Variants in AIG1 observed in about 807,000 individuals in gnomAD.
The protein encoded by AIG1 is androgen induced 1.
Under a neutral mutation model 31.4 loss-of-function variants are expected in AIG1, and 23 were observed. The observed-to-expected ratio is 0.73, with a 90% CI of 0.53 to 1.04. AIG1 has a LOEUF of 1.04. AIG1 is among the 50% of genes least tolerant of loss of function. AIG1 has a pLI of 0.00. For synonymous variants in AIG1, 100 were observed against 110.5 expected, an observed-to-expected ratio of 0.90 and a Z score of 0.60; for missense variants, 274 against 295.0, an observed-to-expected ratio of 0.93 and a Z score of 0.52.
At chr6:143,243,802 T>C (rs765555287) in intron 3 of AIG1, among the ~76,000 whole-genome samples, 1 of 152,048 alleles carries the variant, frequency 6.6e-6, no homozygotes, top group Non-Finnish European at 1.5e-5. Flanking sequence ...GGAAAACATA[T>C]CCCAACATTA....
chr6:143,101,959 G>A (rs1780317623), intron 1 of AIG1, among the ~76,000 whole-genome samples: 2 of 152,102 alleles, frequency 1.3e-5, no homozygotes, highest in Admixed American at 6.5e-5. Flanking sequence ...ATTGGCATCA[G>A]TATTTTTCAA....
intron 3 of AIG1, among the ~76,000 whole-genome samples, chr6:143,275,479 C>T (rs909626012): frequency 6.6e-6 from 1 of 152,146 alleles, no homozygotes; most frequent in African/African-American, 2.4e-5. Flanking sequence ...GCTCAAAGCC[C>T]TCTAGGGTTT....
At chr6:143,294,366 G>A (rs576245418) in intron 4 of AIG1, among the ~76,000 whole-genome samples, 6 of 152,248 alleles carry the variant, frequency 3.9e-5, no homozygotes, top group Non-Finnish European at 5.9e-5. Flanking sequence ...CTCTCACACC[G>A]CAAAGGCTTA....
At chr6:143,300,660 T>C (rs1798760997) in intron 4 of AIG1, among the ~76,000 whole-genome samples, 1 of 152,252 alleles carries the variant, frequency 6.6e-6, no homozygotes, top group Non-Finnish European at 1.5e-5. Context: ...CCATGTATAC[T>C]TCTAAAAATT....
At chr6:143,090,552 A>G (rs1779210391) in intron 1 of AIG1, among the ~76,000 whole-genome samples, 1 of 152,230 alleles carries the variant, frequency 6.6e-6, no homozygotes, top group Non-Finnish European at 1.5e-5. Context: ...ATATTGCAAT[A>G]AAGTGACGCA....
rs1777075672 is a variant in AIG1 at position 143,331,619 on chromosome 6, T to C, written c.516-1663T>C. 1.3e-5 allele frequency among the ~76,000 whole-genome samples: 2 copies of C among 152,084 alleles called. No individual in the cohort carries two copies. Among genetic ancestry groups the C allele is most frequent in the South Asian group, 4.1e-4 (2 of 4,826 alleles). ...TTGTTCACCTACTGATGTGTTTCTA[T>C]ATACATATATGTACATCTGTGTGTG... is the stretch of plus-strand genomic sequence containing the variant. On this transcript the variant is annotated intron_variant, in intron 4 of 5. Transcript: ENST00000357847. This position sits in a 1 kb window ranked among gnomAD's most constrained non-coding sequence, Gnocchi z 4.1.
chr6:143,081,552 A>G (rs1022121880), intron 1 of AIG1, among the ~76,000 whole-genome samples: 1 of 151,338 alleles, frequency 6.6e-6, no homozygotes, highest in Non-Finnish European at 1.5e-5. Flanking sequence ...TGTTCTCCTG[A>G]AGGAGCTTGG....
intron 4 of AIG1, among the ~76,000 whole-genome samples, chr6:143,302,890 T>C (rs896916466): frequency 6.6e-6 from 1 of 152,282 alleles, no homozygotes; most frequent in South Asian, 2.1e-4. Flanking sequence ...GCACCTGTTG[T>C]TTCCTGACTT....
intron 3 of AIG1, among the ~76,000 whole-genome samples, chr6:143,177,752 G>A (rs1788306966): frequency 6.6e-6 from 1 of 152,198 alleles, no homozygotes; most frequent in African/African-American, 2.4e-5. Context: ...AGTGGGCCTG[G>A]GTGGCTTCAT....
intron 1 of AIG1, among the ~76,000 whole-genome samples, chr6:143,131,647 A>G (rs1423179144): frequency 6.6e-6 from 1 of 152,230 alleles, no homozygotes; most frequent in East Asian, 1.9e-4. Flanking sequence ...CCAACAGCCA[A>G]TAAAGAAACA....
At chr6:143,259,021 C>T (rs751208055) in intron 3 of AIG1, among the ~76,000 whole-genome samples, 5 of 152,282 alleles carry the variant, frequency 3.3e-5, no homozygotes, top group Non-Finnish European at 7.4e-5. Context: ...GCAGTGGATC[C>T]TCTTAGCCCA....
intron 3 of AIG1, among the ~76,000 whole-genome samples, chr6:143,192,194 A>G (rs537983344): frequency 6.6e-6 from 1 of 152,380 alleles, no homozygotes; most frequent in Non-Finnish European, 1.5e-5. Context: ...AGCATCTGTC[A>G]GAGAAGCAGC....
intron 2 of AIG1, among the ~76,000 whole-genome samples, chr6:143,161,872 C>T (rs917204201): frequency 2.0e-5 from 3 of 152,028 alleles, no homozygotes; most frequent in African/African-American, 7.2e-5. Flanking sequence ...TGACCACTTT[C>T]CCTAAGATAG....
chr6:143,312,460 AG>A (rs760192386), intron 4 of AIG1, among the ~76,000 whole-genome samples: 1 of 152,170 alleles, frequency 6.6e-6, no homozygotes, highest in Non-Finnish European at 1.5e-5. Context: ...CATTAGGGAA[AG>A]GACAGTCTCT....
intron 3 of AIG1, among the ~76,000 whole-genome samples, chr6:143,248,130 G>A (rs1004261209): frequency 1.3e-5 from 2 of 151,954 alleles, no homozygotes; most frequent in African/African-American, 2.4e-5. Flanking sequence ...TATGAGCCTC[G>A]AAAATAATAT....
At chr6:143,162,079 C>A (rs904228463) in intron 2 of AIG1, among the ~76,000 whole-genome samples, 1 of 152,080 alleles carries the variant, frequency 6.6e-6, no homozygotes. Context: ...ATGAATTTAG[C>A]AAAGGTATAA....
At position 143,165,108 on chromosome 6, in the gene AIG1, T is replaced by G. The variant is rs775112959; in HGVS notation, c.324T>G (p.Ile108Met). 5 of 1,613,422 alleles carry G rather than the reference T, an allele frequency of 3.1e-6. No homozygotes were observed. Among genetic ancestry groups the G allele is most frequent in the Non-Finnish European group, 1.7e-6 (2 of 1,179,522 alleles). The change falls in exon 3 of 6, where the codon ATT becomes ATG. Residue 108 changes from isoleucine to methionine, a missense_variant. By Grantham distance (10) the Ile-to-Met change is conservative. Around this residue, in one of 2 missense-constraint regions of AIG1, gnomAD observed 243 missense variants for 238.5 expected, o/e 1.02. Coordinates refer to ENST00000357847, the MANE Select transcript of AIG1 (RefSeq NM_016108.4). ...GVFVVAVFWI[I>M]YAYDREMIYP... ...TTGTTGTAGCAGTGTTCTGGATCATTTATGCCTATGACAGAGAGATGATAT... is the reference window on the plus strand; with the variant it reads ...TTGTTGTAGCAGTGTTCTGGATCATGTATGCCTATGACAGAGAGATGATAT...
intron 2 of AIG1, among the ~76,000 whole-genome samples, chr6:143,143,960 A>G (rs764883397): frequency 1.3e-5 from 2 of 152,216 alleles, no homozygotes; most frequent in Non-Finnish European, 2.9e-5. Context: ...AGCTTTTCAA[A>G]AGACCAAGGA....
intron 1 of AIG1, among the ~76,000 whole-genome samples, chr6:143,115,252 G>C (rs901646093): frequency 1.3e-5 from 2 of 152,124 alleles, no homozygotes; most frequent in African/African-American, 4.8e-5. Context: ...TATTTTAAAG[G>C]CTTTCATTTT....
Sources: allele counts gnomAD v4.1 joint callset (sites outside exome capture counted in the v4.1 genomes callset), GRCh38; gene constraint gnomAD v4.1.1; regional missense constraint gnomAD v4.1.1; non-coding constraint Gnocchi (gnomAD v3.1); transcripts MANE v1.5; gene names NCBI Gene and HGNC (gene_info 2026-07-23, HGNC 2026-07-21).